Variants in CDH4 observed in about 807,000 individuals in gnomAD.
The protein encoded by CDH4 is cadherin 4.
CDH4 carries 33 observed loss-of-function variants against 86.0 expected under a neutral mutation model. The ratio of observed to expected loss-of-function variants is 0.38; its 90% CI spans 0.29 to 0.51. CDH4 has a LOEUF of 0.51. Ranked by LOEUF, CDH4 falls within the 20% of genes least tolerant of loss-of-function variation. The pLI is 0.86. For missense variants in CDH4, 1,114 were observed against 1,307.4 expected, an observed-to-expected ratio of 0.85 and a Z score of 2.28; for synonymous variants, 555 against 549.4, an observed-to-expected ratio of 1.01 and a Z score of -0.14.
chr20:61,657,376 A>C (rs562525739), intron 2 of CDH4, among the ~76,000 whole-genome samples: 1 of 152,378 alleles, frequency 6.6e-6, no homozygotes, highest in African/African-American at 2.4e-5. Context: ...CACTTCGCAG[A>C]TGTATCTTTG....
rs117752273 is a variant in CDH4, at chr20:61,739,835, A to G, written c.170-3728A>G. On this transcript the variant is annotated intron_variant, in intron 2 of 15. Transcript: ENST00000614565. ...ACTCCAAGCGCCCACAGAAAGTTCTATAAGCAGTTGGGGGCCTCTCCAGCC... is the reference window on the plus strand; with the variant it reads ...ACTCCAAGCGCCCACAGAAAGTTCTGTAAGCAGTTGGGGGCCTCTCCAGCC... 1.2e-4 allele frequency among the ~76,000 whole-genome samples: 19 copies of G among 152,348 alleles called. No individual in the cohort carries two copies. In the East Asian group the frequency reaches 3.5e-3, roughly 28 times the overall value.
chr20:61,847,194 G>A (rs557395596), intron 5 of CDH4, among the ~76,000 whole-genome samples: 15 of 152,304 alleles, frequency 9.8e-5, no homozygotes, highest in African/African-American at 2.2e-4. Flanking sequence ...CCAACTCCCC[G>A]GAAAAGGTTT....
intron 7 of CDH4, among the ~76,000 whole-genome samples, chr20:61,892,396 G>GC (rs988305831): frequency 6.6e-5 from 10 of 152,326 alleles, no homozygotes; most frequent in African/African-American, 1.9e-4. Flanking sequence ...GACAGCCATG[G>GC]CCCCCCAGAG....
chr20:61,584,193 GCTAAACTCCTT>G (rs1410969443), intron 2 of CDH4, among the ~76,000 whole-genome samples: 2 of 152,162 alleles, frequency 1.3e-5, no homozygotes, highest in Admixed American at 6.5e-5. Flanking sequence ...GAGGTTCCCT[GCTAAACTCCTT>G]CTAGTGGCTT....
intron 2 of CDH4, among the ~76,000 whole-genome samples, chr20:61,557,184 T>C (rs1024123529): frequency 1.5e-4 from 23 of 152,296 alleles, no homozygotes; most frequent in African/African-American, 5.5e-4. Flanking sequence ...GAAGACAGGA[T>C]CTTTCTCTAA....
chr20:61,551,094 T>C (rs1445727023), intron 2 of CDH4, among the ~76,000 whole-genome samples: 4 of 152,214 alleles, frequency 2.6e-5, no homozygotes, highest in African/African-American at 4.8e-5. Flanking sequence ...GGCATTCCCT[T>C]CTCCTCGGGA....
intron 2 of CDH4, among the ~76,000 whole-genome samples, chr20:61,427,432 C>G (rs971788656): frequency 6.6e-6 from 1 of 152,146 alleles, no homozygotes; most frequent in South Asian, 2.1e-4. Context: ...ATCAGAACGT[C>G]GTCTTCCCTG....
intron 8 of CDH4, among the ~76,000 whole-genome samples, chr20:61,900,582 G>A (rs1032352502): frequency 5.3e-5 from 8 of 152,178 alleles, no homozygotes; most frequent in South Asian, 2.1e-4. Flanking sequence ...GGGGAATGGC[G>A]GACTGGAAAG....
At chr20:61,304,374 C>T (rs909604352) in intron 2 of CDH4, among the ~76,000 whole-genome samples, 7 of 151,698 alleles carry the variant, frequency 4.6e-5, no homozygotes, top group Non-Finnish European at 7.4e-5. Context: ...TGGTTTTCTG[C>T]GTCCTAGTTT....
rs970422166 is a variant in CDH4 at position 61,703,605 on chromosome 20, G to A, written c.170-39958G>A. Among the ~76,000 whole-genome samples the A allele has an allele frequency of 3.9e-5, 6 of 152,144 alleles. No individual in the cohort carries two copies. Among genetic ancestry groups the A allele is most frequent in the Non-Finnish European group, 8.8e-5 (6 of 68,022 alleles). ...CCCTTCCCCGTCGCACCTCTTCCCC[G>A]TGCCTGGATGAATCTGCAAAGAGAG... On this transcript the variant is annotated intron_variant, in intron 2 of 15. Coordinates refer to ENST00000614565, the MANE Select transcript of CDH4 (RefSeq NM_001794.5). This position sits in a 1 kb window ranked among gnomAD's most constrained non-coding sequence, Gnocchi z 4.3.
chr20:61,696,754 C>G (rs1271271344), intron 2 of CDH4, among the ~76,000 whole-genome samples: 1 of 152,318 alleles, frequency 6.6e-6, no homozygotes, highest in African/African-American at 2.4e-5. Flanking sequence ...CCAAAACATA[C>G]ATCCATGTCC....
At chr20:61,271,894 A>G (rs552931596) in intron 2 of CDH4, among the ~76,000 whole-genome samples, 27 of 150,448 alleles carry the variant, frequency 1.8e-4, no homozygotes, top group Admixed American at 9.9e-4. Context: ...GCTGACCCAC[A>G]TGGGTTTGCA....
chr20:61,732,752 TG>T (rs1458871394), intron 2 of CDH4, among the ~76,000 whole-genome samples: 5 of 152,220 alleles, frequency 3.3e-5, no homozygotes, highest in African/African-American at 1.2e-4. Flanking sequence ...CCCCCACGCC[TG>T]TGAGAGTGCT....
chr20:61,686,007 A>G (rs896773832), intron 2 of CDH4, among the ~76,000 whole-genome samples: 6 of 152,266 alleles, frequency 3.9e-5, no homozygotes, highest in East Asian at 3.8e-4. Flanking sequence ...GAAGATCTCA[A>G]TAAATACTGA....
At chr20:61,616,154 C>T (rs761594461) in intron 2 of CDH4, among the ~76,000 whole-genome samples, 21 of 152,218 alleles carry the variant, frequency 1.4e-4, no homozygotes, top group Non-Finnish European at 2.1e-4. Context: ...GACTGCAGAG[C>T]TGGTGAACTT....
At chr20:61,664,527 A>G (rs1213316772) in intron 2 of CDH4, among the ~76,000 whole-genome samples, 2 of 152,214 alleles carry the variant, frequency 1.3e-5, no homozygotes, top group Non-Finnish European at 2.9e-5. Flanking sequence ...AGCCGGGCCC[A>G]GGAGTCTGGT....
At chr20:61,584,866 A>G (rs1434822433) in intron 2 of CDH4, among the ~76,000 whole-genome samples, 2 of 3,710 alleles carry the variant, frequency 5.4e-4, no homozygotes, top group African/African-American at 6.4e-3. Context: ...CGCACTGCAC[A>G]CTTGTCGTCT....
intron 4 of CDH4, among the ~76,000 whole-genome samples, chr20:61,788,892 T>C (rs979344736): frequency 2.0e-5 from 3 of 152,212 alleles, no homozygotes; most frequent in Admixed American, 6.5e-5. Context: ...CCATTAGCTA[T>C]AGAAGACAGC....
intron 4 of CDH4, among the ~76,000 whole-genome samples, chr20:61,839,552 TTGTG>T (rs1307008773): frequency 1.4e-5 from 2 of 147,066 alleles, no homozygotes; most frequent in South Asian, 2.2e-4. Context: ...ATTGTGTGTG[TTGTG>T]TGTGCATATG....
Sources: gnomAD v4.1 joint callset for allele counts (sites outside exome capture counted in the v4.1 genomes callset) on GRCh38, gnomAD v4.1.1 for gene constraint, Gnocchi (gnomAD v3.1) non-coding constraint, MANE v1.5 for transcripts, NCBI Gene and HGNC (gene_info 2026-07-23, HGNC 2026-07-21) for gene names.